Variants in STK39 observed in about 807,000 individuals in gnomAD.
STK39 encodes serine/threonine kinase 39, also known as STE20/SPS1-related proline-alanine-rich protein kinase.
STK39 carries 20 observed loss-of-function variants against 77.8 expected under a neutral mutation model. The observed-to-expected ratio is 0.26, with a 90% CI of 0.18 to 0.37. The LOEUF is 0.37. STK39 is among the 10% of genes least tolerant of loss of function. STK39 has a pLI of 1.00. For synonymous variants in STK39, 246 were observed against 234.1 expected (o/e 1.05, Z -0.47); for missense variants, 479 against 656.5 (o/e 0.73, Z 2.95).
At chr2:168,055,536 A>G (rs562762253) in intron 14 of STK39, among the ~76,000 whole-genome samples, 187 of 152,346 alleles carry the variant, frequency 1.2e-3, no homozygotes, top group African/African-American at 4.0e-3. Context: ...TCAAGGTCCA[A>G]TGATACTGCT....
At chr2:168,056,514 C>G (rs1176789910) in intron 14 of STK39, among the ~76,000 whole-genome samples, 2 of 152,132 alleles carry the variant, frequency 1.3e-5, no homozygotes, top group South Asian at 2.1e-4. Context: ...AGTCTCCTAC[C>G]TACTAGCCTG....
intron 16 of STK39, among the ~76,000 whole-genome samples, chr2:167,973,746 A>G (rs533712712): frequency 6.6e-6 from 1 of 152,288 alleles, no homozygotes; most frequent in Non-Finnish European, 1.5e-5. Flanking sequence ...GGGTGAAAGG[A>G]TTGTTTTAAA....
intron 5 of STK39, among the ~76,000 whole-genome samples, chr2:168,149,539 T>C (rs1688226863): frequency 6.6e-6 from 1 of 152,228 alleles, no homozygotes; most frequent in Admixed American, 6.5e-5. Context: ...TTCAGACCAG[T>C]ACTCTGTTAT....
chr2:168,137,974 T>C (rs1485405367), intron 8 of STK39, 114 bp downstream of exon 8: 1 of 1,415,484 alleles, frequency 7.1e-7, no homozygotes, highest in Non-Finnish European at 9.4e-7. Flanking sequence ...ACAGCAGGGT[T>C]TCCCAGACAA....
chr2:168,237,229 G>C (rs1690637301), intron 1 of STK39, among the ~76,000 whole-genome samples: 2 of 152,156 alleles, frequency 1.3e-5, no homozygotes, highest in African/African-American at 2.4e-5. Flanking sequence ...GTTCACTCAT[G>C]ATTTGGCTCT....
intron 10 of STK39, among the ~76,000 whole-genome samples, chr2:168,125,023 G>C (rs1687505446): frequency 6.6e-6 from 1 of 152,098 alleles, no homozygotes; most frequent in African/African-American, 2.4e-5. Context: ...ACCTAATGTA[G>C]ATGATGGGTT....
chr2:168,245,229 A>C (rs1690867883), intron 1 of STK39, among the ~76,000 whole-genome samples: 1 of 152,064 alleles, frequency 6.6e-6, no homozygotes, highest in Non-Finnish European at 1.5e-5. Flanking sequence ...CAGCTCAACT[A>C]CGACCTCTAC....
intron 14 of STK39, among the ~76,000 whole-genome samples, chr2:168,019,649 G>T (rs1438335172): frequency 6.6e-6 from 1 of 152,094 alleles, no homozygotes; most frequent in Non-Finnish European, 1.5e-5. Context: ...GCAGTGGGAG[G>T]ATGGTTTGTG....
At chr2:168,241,595 AG>A (rs1008683182) in intron 1 of STK39, among the ~76,000 whole-genome samples, 7 of 152,212 alleles carry the variant, frequency 4.6e-5, no homozygotes, top group African/African-American at 1.7e-4. Context: ...AGCCCCTTCC[AG>A]CAGCCCAGCA....
chr2:167,955,508 C>G lies in STK39; in HGVS notation c.1626G>C (p.Leu542Phe), dbSNP rs1344086024. The G allele has an allele frequency of 6.2e-7, 1 of 1,613,788 alleles. No individual in the cohort carries two copies. The highest frequency in any genetic ancestry group is 2.2e-5 in the East Asian group (1 of 44,866). Residue 542 changes from leucine to phenylalanine, a missense_variant, in exon 18 of 18, where the codon TTG becomes TTC. Physicochemically the swap from Leu to Phe is conservative, Grantham distance 22. Around this residue, in one of 3 missense-constraint regions of STK39, gnomAD observed 244 missense variants for 296.8 expected, o/e 0.82. Coordinates refer to ENST00000355999, the MANE Select transcript of STK39 (RefSeq NM_013233.3). ...DEVKLIGFAQ[L>F]SVS Reference sequence around the variant, plus strand: ...CAAGGGACATACATCAGCTGACACTCAACTGAGCAAACCCAATCAGCTTCA... The same window carrying G: ...CAAGGGACATACATCAGCTGACACTGAACTGAGCAAACCCAATCAGCTTCA...
chr2:168,155,816 A>T (rs1341753911), intron 5 of STK39, among the ~76,000 whole-genome samples: 3 of 152,198 alleles, frequency 2.0e-5, no homozygotes, highest in Non-Finnish European at 4.4e-5. Context: ...AAGCTGATAT[A>T]TTCTTACTCA....
At chr2:167,968,257 C>T (rs560989837) in intron 16 of STK39, among the ~76,000 whole-genome samples, 1 of 152,108 alleles carries the variant, frequency 6.6e-6, no homozygotes, top group Non-Finnish European at 1.5e-5. Flanking sequence ...ACATACTATG[C>T]GTGTGTCTTT....
chr2:168,182,494 T>C (rs1348563321), intron 1 of STK39, among the ~76,000 whole-genome samples: 1 of 152,168 alleles, frequency 6.6e-6, no homozygotes, highest in East Asian at 1.9e-4. Flanking sequence ...GCTGAGATAA[T>C]TGATGTTTGA....
At chr2:168,160,472 C>A (rs1688540547) in intron 5 of STK39, among the ~76,000 whole-genome samples, 1 of 152,160 alleles carries the variant, frequency 6.6e-6, no homozygotes, top group Admixed American at 6.5e-5. Flanking sequence ...GTAATAGTAG[C>A]AACAGCAGTA....
At chr2:168,170,810 G>T (rs1194867459) in intron 2 of STK39, among the ~76,000 whole-genome samples, 2 of 152,194 alleles carry the variant, frequency 1.3e-5, no homozygotes, top group Admixed American at 6.5e-5. Flanking sequence ...GAGGAGAGGG[G>T]TAAGAAGCAA....
chr2:168,218,027 C>T (rs1690069811), intron 1 of STK39, among the ~76,000 whole-genome samples: 1 of 152,180 alleles, frequency 6.6e-6, no homozygotes, highest in Non-Finnish European at 1.5e-5. Flanking sequence ...TTTGAAAGTA[C>T]TAAGATATGT....
intron 1 of STK39, among the ~76,000 whole-genome samples, chr2:168,206,401 A>T (rs1689745221): frequency 6.6e-6 from 1 of 151,846 alleles, no homozygotes. Context: ...CCTGGATTCA[A>T]GTGATTCTCC....
intron 15 of STK39, among the ~76,000 whole-genome samples, chr2:168,013,793 GGTGTGTGTGTGTGTGTGTGTGT>G (rs4000936): frequency 0.33 from 48,912 of 147,724 alleles, 8,926 homozygotes; most frequent in Non-Finnish European, 0.41. Flanking sequence ...TAAGTGGGCT[GGTGTGTGTGTGTGTGTGTGTGT>G]GTGTGTGTGT....
chr2:168,227,980 C>T (rs1442112318), intron 1 of STK39, among the ~76,000 whole-genome samples: 1 of 152,072 alleles, frequency 6.6e-6, no homozygotes, highest in African/African-American at 2.4e-5. Flanking sequence ...TACCAATCAA[C>T]GAAGTGCCAA....
Sources: gnomAD v4.1 joint callset for allele counts (sites outside exome capture counted in the v4.1 genomes callset) on GRCh38, gnomAD v4.1.1 for gene constraint, gnomAD v4.1.1 regional missense constraint, MANE v1.5 for transcripts, NCBI Gene and HGNC (gene_info 2026-07-23, HGNC 2026-07-21) for gene names.